The following DCUN1D5 variants were observed in gnomAD, a reference collection of about 807,000 sequenced individuals.
DCUN1D5 encodes DCN1-like protein 5.
A neutral mutation model predicts 38.3 loss-of-function variants in DCUN1D5; 10 were observed. The ratio of observed to expected loss-of-function variants is 0.26; its 90% CI spans 0.16 to 0.44. The LOEUF is 0.44. Ranked by LOEUF, DCUN1D5 falls within the 20% of genes least tolerant of loss-of-function variation. The pLI is 1.00. For missense variants in DCUN1D5, 148 were observed against 275.3 expected (o/e 0.54, Z 3.27); for synonymous variants, 93 against 90.9 (o/e 1.02, Z -0.13).
chr11:103,066,131 T>C lies in DCUN1D5; in HGVS notation c.555+138A>G. ...TGAACTTCTATCTAAAAATAGCAAC[T>C]GATATGTACATATTTTAGAATTTTT... is the stretch of plus-strand genomic sequence containing the variant. On this transcript the variant is annotated intron_variant, in intron 6 of 7. Coordinates refer to ENST00000260247, the MANE Select transcript of DCUN1D5 (RefSeq NM_032299.4). The surrounding 1 kb of genome is among the most constrained non-coding windows in gnomAD (Gnocchi z 4.7). 2 of 452,798 alleles carry C rather than the reference T, an allele frequency of 4.4e-6. No individual in the cohort carries two copies. The highest frequency in any genetic ancestry group is 7.8e-6 in the Non-Finnish European group (2 of 257,518). The allele number at this position is 452,798 out of a possible 1,614,324, so 28.0% of individuals were successfully genotyped here.
intron 4 of DCUN1D5, among the ~76,000 whole-genome samples, chr11:103,074,747 G>A (rs946129866): frequency 3.3e-5 from 5 of 152,130 alleles, no homozygotes; most frequent in Middle Eastern, 3.4e-3. Context: ...TTAATTATTC[G>A]GAGTCTGATA....
rs1341876874 is a variant in DCUN1D5 at position 103,091,329 on chromosome 11, C to T, written c.86+458G>A. On this transcript the variant is annotated intron_variant, in intron 1 of 7. Transcript: ENST00000260247. The surrounding 1 kb of genome is among the most constrained non-coding windows in gnomAD (Gnocchi z 4.3). The stretch of plus-strand genomic sequence containing the variant: ...ATACAAGTTTTCCTTTCTACCATTC[C>T]CAAGACAGTTGTCAAGATTCCTTAT... Among the ~76,000 whole-genome samples the T allele has an allele frequency of 6.6e-6, 1 of 152,052 alleles. No homozygotes were observed. The highest frequency in any genetic ancestry group is 2.4e-5 in the African/African-American group (1 of 41,386).
chr11:103,069,302 C>G (rs1862213173), intron 4 of DCUN1D5, among the ~76,000 whole-genome samples: 1 of 152,166 alleles, frequency 6.6e-6, no homozygotes, highest in South Asian at 2.1e-4. Context: ...CAATAAAACC[C>G]TGCCTTTTCT....
At position 103,064,697 on chromosome 11, in the gene DCUN1D5, T is replaced by C. The variant is rs1002052994; in HGVS notation, c.556-320A>G. ...TATATAACATTTCCTACATCCAGTA[T>C]GTTCTATTGTGCTGCTTCCTAGTAA... On this transcript the variant is annotated intron_variant, in intron 6 of 7. Coordinates refer to ENST00000260247, the MANE Select transcript of DCUN1D5 (RefSeq NM_032299.4). The surrounding 1 kb of genome is among the most constrained non-coding windows in gnomAD (Gnocchi z 4.5). Among the ~76,000 whole-genome samples, 1 of 152,216 alleles carries C rather than the reference T, an allele frequency of 6.6e-6. No homozygotes were observed. Among genetic ancestry groups the C allele is most frequent in the Non-Finnish European group, 1.5e-5 (1 of 68,026 alleles).
chr11:103,088,357 T>C (rs1862766313), intron 2 of DCUN1D5, among the ~76,000 whole-genome samples: 1 of 152,060 alleles, frequency 6.6e-6, no homozygotes, highest in Non-Finnish European at 1.5e-5. Context: ...GAAAAAAGCT[T>C]TAAAATCAAT....
chr11:103,057,878 C>A lies in DCUN1D5; in HGVS notation c.*4481G>T, dbSNP rs1861912762. Among the ~76,000 whole-genome samples, 1 of 152,088 alleles carries A rather than the reference C, an allele frequency of 6.6e-6. No homozygotes were observed. Among genetic ancestry groups the A allele is most frequent in the African/African-American group, 2.4e-5 (1 of 41,390 alleles). On this transcript the variant is annotated 3_prime_UTR_variant, in exon 8 of 8. Coordinates refer to ENST00000260247, the MANE Select transcript of DCUN1D5 (RefSeq NM_032299.4). This position sits in a 1 kb window ranked among gnomAD's most constrained non-coding sequence, Gnocchi z 4.8. The stretch of plus-strand genomic sequence containing the variant: ...TTTTAACCTCATACTTAAAACCAAA[C>A]CCATGAAGTATGTGGAAAAAATTCA...
Position 103,061,808 on chromosome 11 carries a change from G to A in DCUN1D5, c.*551C>T. Among the ~76,000 whole-genome samples the A allele has an allele frequency of 6.6e-6, 1 of 151,976 alleles. No individual in the cohort carries two copies. Among genetic ancestry groups the A allele is most frequent in the Non-Finnish European group, 1.5e-5 (1 of 67,948 alleles). ...CCTTGGCAGCTTTTATAGAAACCCA[G>A]AGCTAAAAGTAGGAGCATTTTTCCA... On this transcript the variant is annotated 3_prime_UTR_variant, in exon 8 of 8. Coordinates refer to ENST00000260247, the MANE Select transcript of DCUN1D5 (RefSeq NM_032299.4).
Position 103,062,448 on chromosome 11 carries a change from A to G in DCUN1D5, c.659-34T>C. The G allele has an allele frequency of 6.3e-7, 1 of 1,587,240 alleles. No homozygotes were observed. Among genetic ancestry groups the G allele is most frequent in the African/African-American group, 1.3e-5 (1 of 74,176 alleles). On this transcript the variant is annotated intron_variant, in intron 7 of 7. Transcript: ENST00000260247. This position sits in a 1 kb window ranked among gnomAD's most constrained non-coding sequence, Gnocchi z 4.6. Reference sequence around the variant, plus strand: ...AAAGAAACCATTTTTGTCAGAATTCAGTGAACTCATCTCTCCAATTATAAA... The same window carrying G: ...AAAGAAACCATTTTTGTCAGAATTCGGTGAACTCATCTCTCCAATTATAAA...
chr11:103,065,684 C>T lies in DCUN1D5; in HGVS notation c.555+585G>A, dbSNP rs1862118069. Among the ~76,000 whole-genome samples the T allele has an allele frequency of 6.6e-6, 1 of 151,930 alleles. No homozygotes were observed. The highest frequency in any genetic ancestry group is 2.4e-5 in the African/African-American group (1 of 41,470). ...GAATAGCATCTTCTTAGAATCACTG[C>T]CTATAGTAGTTGCTATGATAAACCT... On this transcript the variant is annotated intron_variant, in intron 6 of 7. Transcript: ENST00000260247. This position sits in a 1 kb window ranked among gnomAD's most constrained non-coding sequence, Gnocchi z 4.6.
chr11:103,091,841 C>G lies in DCUN1D5; in HGVS notation c.32G>C (p.Gly11Ala). The G allele has an allele frequency of 6.2e-7, 1 of 1,613,952 alleles. No individual in the cohort carries two copies. Among genetic ancestry groups the G allele is most frequent in the Non-Finnish European group, 8.5e-7 (1 of 1,179,882 alleles). The change falls in exon 1 of 8, where the codon GGG (glycine) becomes GCG (alanine). Residue 11 changes from glycine (G) to alanine (A), a missense_variant. Transcript: ENST00000260247. This position sits in a 1 kb window ranked among gnomAD's most constrained non-coding sequence, Gnocchi z 4.3. ...GTCTTCCGCTACTGCTGCTGCCACCCCAGGGGATTTTCTCTTCTTCTTCAC... is the reference window on the plus strand; with the variant it reads ...GTCTTCCGCTACTGCTGCTGCCACCGCAGGGGATTTTCTCTTCTTCTTCAC... MPVKKKRKSP[G>A]VAAAVAEDGG...
In DCUN1D5 at chr11:103,051,041, T is replaced by A. The variant is rs1861716560; in HGVS notation, c.*11318A>T. 6.6e-6 allele frequency: 1 copy of A among 152,210 alleles called. No individual in the cohort carries two copies. The highest frequency in any genetic ancestry group is 1.9e-4 in the East Asian group (1 of 5,198). 9.4% of individuals were successfully genotyped at this position (152,210 alleles called of 1,614,324 possible). A position where few individuals can be genotyped will look rare whatever the true frequency, so the allele number is the denominator to read the frequency against. ...CAGAGACAAAGAAAGGTGCTGCAACTTCTGGACATAAAGAAGTTCCAATAA... is the reference window on the plus strand; with the variant it reads ...CAGAGACAAAGAAAGGTGCTGCAACATCTGGACATAAAGAAGTTCCAATAA... On this transcript the variant is annotated 3_prime_UTR_variant, in exon 8 of 8. Coordinates refer to ENST00000260247, the MANE Select transcript of DCUN1D5 (RefSeq NM_032299.4).
chr11:103,088,629 ACT>A (rs1862774749), intron 2 of DCUN1D5, among the ~76,000 whole-genome samples: 1 of 152,020 alleles, frequency 6.6e-6, no homozygotes, highest in African/African-American at 2.4e-5. Flanking sequence ...CCTCCTATGA[ACT>A]CTCACAGTGT....
At position 103,073,163 on chromosome 11, in the gene DCUN1D5, G is replaced by A. The variant is rs1862322621; in HGVS notation, c.342-6596C>T. Among the ~76,000 whole-genome samples, 1 of 151,958 alleles carries A rather than the reference G, an allele frequency of 6.6e-6. No homozygotes were observed. The highest frequency in any genetic ancestry group is 6.6e-5 in the Admixed American group (1 of 15,258). On this transcript the variant is annotated intron_variant, in intron 4 of 7. Coordinates refer to ENST00000260247, the MANE Select transcript of DCUN1D5 (RefSeq NM_032299.4). The surrounding 1 kb of genome is among the most constrained non-coding windows in gnomAD (Gnocchi z 4.2). ...GTTGAAGTAAAAATAAAATACTTAGGTGTAATTCTAACAAAAGATGTACAG... is the reference window on the plus strand; with the variant it reads ...GTTGAAGTAAAAATAAAATACTTAGATGTAATTCTAACAAAAGATGTACAG...
rs1429954405 is a variant in DCUN1D5 at position 103,063,477 on chromosome 11, CA to C, written c.658+797del. On this transcript the variant is annotated intron_variant, in intron 7 of 7. Coordinates refer to ENST00000260247, the MANE Select transcript of DCUN1D5 (RefSeq NM_032299.4). This position sits in a 1 kb window ranked among gnomAD's most constrained non-coding sequence, Gnocchi z 4.6. The stretch of plus-strand genomic sequence containing the variant: ...TTTATACCATCTTGTAGAGAGAGGA[CA>C]AAATATATGTGGGAAGAAATAAAGT... Among the ~76,000 whole-genome samples, 7 of 151,930 alleles carry C rather than the reference CA, an allele frequency of 4.6e-5. No individual in the cohort carries two copies. Among genetic ancestry groups the C allele is most frequent in the Non-Finnish European group, 8.8e-5 (6 of 67,924 alleles).
chr11:103,082,618 A>G (rs1862594883), intron 4 of DCUN1D5, 130 bp downstream of exon 4: 7 of 663,124 alleles, frequency 1.1e-5, no homozygotes, highest in Admixed American at 6.0e-5. Flanking sequence ...TTCAATCCCC[A>G]AACTAATTGT....
rs1254178542 is a variant in DCUN1D5 at position 103,062,830 on chromosome 11, C to A, written c.659-416G>T. On this transcript the variant is annotated intron_variant, in intron 7 of 7. Coordinates refer to ENST00000260247, the MANE Select transcript of DCUN1D5 (RefSeq NM_032299.4). This position sits in a 1 kb window ranked among gnomAD's most constrained non-coding sequence, Gnocchi z 4.6. ...GCCATAATAGAGACTTACTTTATTC[C>A]AATAACAGGATGTAGTACAAAGCTG... is the stretch of plus-strand genomic sequence containing the variant. Among the ~76,000 whole-genome samples the A allele has an allele frequency of 6.6e-6, 1 of 151,994 alleles. No homozygotes were observed. The highest frequency in any genetic ancestry group is 1.5e-5 in the Non-Finnish European group (1 of 67,950).
At position 103,092,079 on chromosome 11, in the gene DCUN1D5, C is replaced by T. The variant is rs994517704; in HGVS notation, c.-207G>A. ...TTCTCTGACCGGGACAGGGCTGGCT[C>T]CTCGCCGGTGGACACTGCGGTTCGT... is the stretch of plus-strand genomic sequence containing the variant. On this transcript the variant is annotated 5_prime_UTR_variant, in exon 1 of 8. Coordinates refer to ENST00000260247, the MANE Select transcript of DCUN1D5 (RefSeq NM_032299.4). 2.3e-5 allele frequency: 13 copies of T among 564,970 alleles called. No homozygotes were observed. The highest frequency in any genetic ancestry group is 9.1e-5 in the East Asian group (3 of 33,004). 35.0% of individuals were successfully genotyped at this position (564,970 alleles called of 1,614,324 possible). A position where few individuals can be genotyped will look rare whatever the true frequency, so the allele number is the denominator to read the frequency against.
chr11:103,069,015 G>A (rs962596714), intron 4 of DCUN1D5, among the ~76,000 whole-genome samples: 41 of 152,214 alleles, frequency 2.7e-4, no homozygotes, highest in African/African-American at 9.1e-4. Flanking sequence ...AAGTATAGAC[G>A]AATGCTTTCA....
rs1308907334 is a variant in DCUN1D5, at chr11:103,069,878, G to C, written c.342-3311C>G. Among the ~76,000 whole-genome samples, 3 of 152,014 alleles carry C rather than the reference G, an allele frequency of 2.0e-5. No individual in the cohort carries two copies. In the South Asian group the frequency reaches 6.2e-4, roughly 32 times the overall value. Reference sequence around the variant, plus strand: ...TAGCTAAAACTGAAGCTTTAAATACGATCCAGAGATCCAGAGTTTCATAAT... The same window carrying C: ...TAGCTAAAACTGAAGCTTTAAATACCATCCAGAGATCCAGAGTTTCATAAT... On this transcript the variant is annotated intron_variant, in intron 4 of 7. Coordinates refer to ENST00000260247, the MANE Select transcript of DCUN1D5 (RefSeq NM_032299.4).
Sources: gnomAD v4.1 joint callset for allele counts (sites outside exome capture counted in the v4.1 genomes callset) on GRCh38, gnomAD v4.1.1 for gene constraint, Gnocchi (gnomAD v3.1) non-coding constraint, MANE v1.5 for transcripts, NCBI Gene and HGNC (gene_info 2026-07-23, HGNC 2026-07-21) for gene names.